Variants in TMPRSS15 observed in about 807,000 individuals in gnomAD.
TMPRSS15 encodes the protein enteropeptidase.
Under a neutral mutation model 125.3 loss-of-function variants are expected in TMPRSS15, and 128 were observed. The ratio of observed to expected loss-of-function variants is 1.02; its 90% confidence interval spans 0.89 to 1.18. The LOEUF is 1.18. TMPRSS15 is among the 50% of genes most tolerant of loss of function. The pLI, the probability that TMPRSS15 is intolerant of heterozygous loss-of-function variation, is 0.00. For missense variants in TMPRSS15, 1,283 were observed against 1,212.7 expected (o/e 1.06, Z -0.86); for synonymous variants, 446 against 423.2 (o/e 1.05, Z -0.66).
In TMPRSS15 at chr21:18,343,545, A is replaced by G; in HGVS notation, c.1389T>C (p.Asn463=). The G allele has an allele frequency of 1.2e-6, 2 of 1,613,276 alleles. No homozygotes were observed. The highest frequency in any genetic ancestry group is 1.3e-5 in the African/African-American group (1 of 75,034). The change falls in exon 12 of 25, where the codon AAT becomes AAC. Residue 463 remains asparagine (N), a synonymous_variant. Coordinates refer to ENST00000284885, the MANE Select transcript of TMPRSS15 (RefSeq NM_002772.3). ...TTTCATTTAGGGTTACTTGTCCATA[A>G]TTCCAATTGTCTCCATAATTTCCTT... ...QKEGNYGDNW[N]YGQVTLNETV... is the part of the protein sequence containing the mutation.
rs536138374 is a variant in TMPRSS15 at position 18,434,856 on chromosome 21, T to A, written c.11-36527A>T. ...TAAATTAAACATCATGCATAAGTTA[T>A]CTAGCCTTATATAATTATAATTTGA... On this transcript the variant is annotated intron_variant, in intron 1 of 7. Coordinates refer to the TMPRSS15 transcript ENST00000422787. 1.4e-4 allele frequency among the ~76,000 whole-genome samples: 21 copies of A among 152,274 alleles called. No homozygotes were observed. In the East Asian group the frequency reaches 3.3e-3, roughly 24 times the overall value.
rs59972471 is a variant in TMPRSS15 at position 18,278,924 on chromosome 21, G to GTTTTTTT, written c.2764+33_2764+39dup. 1.6e-3 allele frequency: 711 copies of GTTTTTTT among 440,008 alleles called. 4 individuals are homozygous for GTTTTTTT. Among genetic ancestry groups the GTTTTTTT allele is most frequent in the South Asian group, 2.8e-3 (132 of 47,632 alleles). 27.3% of individuals were successfully genotyped at this position (440,008 alleles called of 1,614,324 possible). A position where few individuals can be genotyped will look rare whatever the true frequency, so the allele number is the denominator to read the frequency against. On this transcript the variant is annotated intron_variant, in intron 23 of 24. Transcript: ENST00000284885. ...TGACAGTCTGTTTTTCACCAGTAAG[G>GTTTTTTT]TTTTTTTTTTTTTTTTTTTTTTTGA... is the stretch of plus-strand genomic sequence containing the variant.
At chr21:18,476,376 A>T (rs1978880748) in intron 1 of TMPRSS15, among the ~76,000 whole-genome samples, 1 of 152,184 alleles carries the variant, frequency 6.6e-6, no homozygotes, top group Non-Finnish European at 1.5e-5. Flanking sequence ...GATTTCTGGT[A>T]GAAAAATGTA....
At chr21:18,350,096 G>GA (rs988605700) in intron 10 of TMPRSS15, among the ~76,000 whole-genome samples, 21 of 150,858 alleles carry the variant, frequency 1.4e-4, no homozygotes, top group African/African-American at 4.9e-4. Context: ...ACAGTAAAGA[G>GA]AAAAAAAAAG....
At chr21:18,397,059 G>A (rs2076048000) in intron 3 of TMPRSS15, among the ~76,000 whole-genome samples, 1 of 151,452 alleles carries the variant, frequency 6.6e-6, no homozygotes, top group African/African-American at 2.4e-5. Context: ...TTTTTTCTTG[G>A]AATCCTCTCC....
intron 1 of TMPRSS15, among the ~76,000 whole-genome samples, chr21:18,462,500 G>C (rs2122953246): frequency 1.2e-4 from 19 of 152,038 alleles, no homozygotes; most frequent in African/African-American, 4.6e-4. Context: ...TATTGAGTTT[G>C]TAAATGGCCA....
rs1209966171 is a variant in TMPRSS15, at chr21:18,353,767, C to A, written c.977G>T (p.Gly326Val). Residue 326 changes from glycine to valine, a missense_variant, in exon 9 of 25, where the codon GGC becomes GTC. Physicochemically the swap from Gly to Val is moderately radical, Grantham distance 109. Transcript: ENST00000284885. ...AAATGCAGTATATGTTGCATTAAAG[C>A]CAACATAATCACTTTCATCAGATTC... ...LIESDESDYV[G>V]FNATYTAFNS... 1 of 1,611,420 alleles carries A rather than the reference C, an allele frequency of 6.2e-7. No individual in the cohort carries two copies. Among genetic ancestry groups the A allele is most frequent in the East Asian group, 2.2e-5 (1 of 44,686 alleles).
chr21:18,403,343 T>C, intron 1 of TMPRSS15, 135 bp downstream of exon 1: 1 of 1,147,770 alleles, frequency 8.7e-7, no homozygotes, highest in Non-Finnish European at 1.3e-6. Context: ...TGAAGATTAA[T>C]TTGAAATATT....
At chr21:18,445,782 C>T (rs2076254477) in intron 1 of TMPRSS15, among the ~76,000 whole-genome samples, 1 of 152,180 alleles carries the variant, frequency 6.6e-6, no homozygotes. Flanking sequence ...AACCTGCCAA[C>T]AAACTGGAGG....
At chr21:18,311,248 G>T (rs112152598) in intron 18 of TMPRSS15, among the ~76,000 whole-genome samples, 8 of 151,948 alleles carry the variant, frequency 5.3e-5, no homozygotes, top group South Asian at 4.1e-4. Context: ...ATCACATCAC[G>T]CTAAAAAGCT....
intron 13 of TMPRSS15, among the ~76,000 whole-genome samples, chr21:18,340,212 GC>G (rs1240183622): frequency 2.6e-5 from 4 of 152,172 alleles, no homozygotes; most frequent in African/African-American, 9.7e-5. Context: ...TCAGCTGCCA[GC>G]ACAGCTAGAA....
chr21:18,428,076 A>T (rs1328335299), intron 1 of TMPRSS15, among the ~76,000 whole-genome samples: 1 of 152,208 alleles, frequency 6.6e-6, no homozygotes, highest in Non-Finnish European at 1.5e-5. Flanking sequence ...TCTTTTCACT[A>T]ATCTCCTGGG....
chr21:18,415,295 T>C (rs1291432743), intron 1 of TMPRSS15, among the ~76,000 whole-genome samples: 3 of 152,096 alleles, frequency 2.0e-5, no homozygotes, highest in Non-Finnish European at 1.5e-5. Context: ...TGTTTTCTCC[T>C]ATTCTATAGG....
At chr21:18,368,212 T>G (rs2075757093) in intron 6 of TMPRSS15, among the ~76,000 whole-genome samples, 1 of 152,210 alleles carries the variant, frequency 6.6e-6, no homozygotes. Flanking sequence ...ACTACGCATT[T>G]TTTTGGGAAA....
At chr21:18,402,552 A>G (rs935760505) in intron 1 of TMPRSS15, among the ~76,000 whole-genome samples, 3 of 148,980 alleles carry the variant, frequency 2.0e-5, no homozygotes, top group Non-Finnish European at 4.5e-5. Flanking sequence ...AAAAGAGAGA[A>G]TTTATATGCA....
chr21:18,308,356 T>C (rs1194446594), intron 18 of TMPRSS15, among the ~76,000 whole-genome samples: 3 of 148,596 alleles, frequency 2.0e-5, no homozygotes, highest in Non-Finnish European at 4.5e-5. Context: ...TTGAAGTTTA[T>C]ACTGTAGAAT....
At position 18,353,804 on chromosome 21, in the gene TMPRSS15, TG is replaced by T. The variant is rs1173449918; in HGVS notation, c.939del (p.Thr314ProfsTer4). On this transcript the variant is annotated frameshift_variant, in exon 9 of 25. Transcript: ENST00000284885. LOFTEE classifies it high-confidence loss of function. ...CTTTCATCAGATTCTATAAGAAAGG[TG>T]GCAGTAACTTGGTTGGAAAAAATTC... ...TIRIFSNQVTATFLIESDESD... is the reference protein window; with the variant it reads ...TIRIFSNQVTXTFLIESDESD... 1.2e-6 allele frequency: 2 copies of T among 1,611,848 alleles called. No homozygotes were observed. Among genetic ancestry groups the T allele is most frequent in the Non-Finnish European group, 1.7e-6 (2 of 1,178,476 alleles).
At chr21:18,327,456 C>G (rs1362236503) in intron 15 of TMPRSS15, among the ~76,000 whole-genome samples, 1 of 152,136 alleles carries the variant, frequency 6.6e-6, no homozygotes, top group African/African-American at 2.4e-5. Flanking sequence ...TTTATTTGTT[C>G]TATGTGTGGC....
At position 18,272,549 on chromosome 21, in the gene TMPRSS15, C is replaced by A. The variant is rs559578155; in HGVS notation, c.2905-2425G>T. On this transcript the variant is annotated intron_variant, in intron 24 of 24. Coordinates refer to ENST00000284885, the MANE Select transcript of TMPRSS15 (RefSeq NM_002772.3). ...GATCAGCCTGGCCAACATGGTGAAA[C>A]CCGGTCTCTACTAAAAATACAAAAA... Among the ~76,000 whole-genome samples the A allele has an allele frequency of 8.5e-4, 129 of 151,982 alleles. 2 individuals carry two copies. The highest frequency in any genetic ancestry group is 4.2e-3 in the South Asian group (20 of 4,812).
Sources: gnomAD v4.1 joint callset for allele counts (sites outside exome capture counted in the v4.1 genomes callset) on GRCh38, gnomAD v4.1.1 for gene constraint, MANE v1.5 for transcripts, NCBI Gene and HGNC (gene_info 2026-07-23, HGNC 2026-07-21) for gene names.